Variants in CTNND2 observed in about 807,000 individuals in gnomAD.
CTNND2 encodes catenin delta-2.
In CTNND2, 22 loss-of-function variants were observed where a neutral mutation model predicts 144.4. The observed-to-expected ratio is 0.15, with a 90% CI of 0.11 to 0.22. CTNND2 has a LOEUF of 0.22. CTNND2 is among the 10% of genes least tolerant of loss of function. The probability of loss-of-function intolerance (pLI) is 1.00; values close to 1 mark genes in which losing one functional copy is unlikely to be tolerated. For missense variants in CTNND2, 1,353 were observed against 1,618.8 expected, an observed-to-expected ratio of 0.84 and a Z score of 2.82; for synonymous variants, 751 against 695.6, an observed-to-expected ratio of 1.08 and a Z score of -1.25.
At chr5:11,078,451 A>G (rs1749180327) in intron 16 of CTNND2, among the ~76,000 whole-genome samples, 1 of 152,196 alleles carries the variant, frequency 6.6e-6, no homozygotes, top group Non-Finnish European at 1.5e-5. Flanking sequence ...TTCATTTCCC[A>G]TCTGGTGACA....
chr5:11,542,211 A>T (rs1296750814), intron 3 of CTNND2, among the ~76,000 whole-genome samples: 1 of 152,170 alleles, frequency 6.6e-6, no homozygotes, highest in African/African-American at 2.4e-5. Flanking sequence ...TCCCTGCATC[A>T]TGCTGCAGGG....
chr5:11,178,189 C>T (rs1438485718), intron 11 of CTNND2, among the ~76,000 whole-genome samples: 1 of 152,110 alleles, frequency 6.6e-6, no homozygotes, highest in Non-Finnish European at 1.5e-5. Context: ...CATGATGACT[C>T]ACACATTAAG....
intron 3 of CTNND2, among the ~76,000 whole-genome samples, chr5:11,551,744 A>G (rs973385680): frequency 4.6e-5 from 7 of 151,996 alleles, no homozygotes; most frequent in African/African-American, 1.7e-4. Flanking sequence ...GATTACAGGC[A>G]CCCGCCTCCA....
In CTNND2 at chr5:11,829,034, G is replaced by A. The variant is rs534570059; in HGVS notation, c.37+74783C>T. ...AAGAGACTGGTGGCATTTTGTCCCT[G>A]CCCTAGAGATTTGTGGAACTTCGAA... On this transcript the variant is annotated intron_variant, in intron 1 of 21. Coordinates refer to ENST00000304623, the MANE Select transcript of CTNND2 (RefSeq NM_001332.4). Among the ~76,000 whole-genome samples the A allele has an allele frequency of 5.9e-5, 9 of 152,240 alleles. No homozygotes were observed. The East Asian group carries it at 1.6e-3, about 26-fold the overall frequency.
At chr5:11,200,803 C>G (rs554991140) in intron 10 of CTNND2, among the ~76,000 whole-genome samples, 4 of 152,188 alleles carry the variant, frequency 2.6e-5, no homozygotes, top group Non-Finnish European at 4.4e-5. Flanking sequence ...CTCAGCCTCC[C>G]GAGTAACTGG....
chr5:11,727,305 A>G (rs1251357462), intron 2 of CTNND2, among the ~76,000 whole-genome samples: 2 of 152,086 alleles, frequency 1.3e-5, no homozygotes, highest in African/African-American at 4.8e-5. Flanking sequence ...CATCTGGTCA[A>G]TCTATCTACA....
At chr5:11,416,741 GTCA>G (rs1210272678) in intron 3 of CTNND2, among the ~76,000 whole-genome samples, 1 of 151,984 alleles carries the variant, frequency 6.6e-6, no homozygotes, top group Non-Finnish European at 1.5e-5. Flanking sequence ...TAATAGAAAC[GTCA>G]TTTTTGAAGG....
chr5:11,588,191 G>T (rs1778999551), intron 2 of CTNND2, among the ~76,000 whole-genome samples: 2 of 152,112 alleles, frequency 1.3e-5, no homozygotes, highest in South Asian at 4.1e-4. Flanking sequence ...CAACAAGTTA[G>T]CTGCCCAGTA....
chr5:11,173,098 GTATAC>G, intron 11 of CTNND2, among the ~76,000 whole-genome samples: 1 of 152,370 alleles, frequency 6.6e-6, no homozygotes. Context: ...GTCTGGCACT[GTATAC>G]AGTCAGGACT....
rs181720904 is a variant in CTNND2, at chr5:11,136,774, T to C, written c.2160-19207A>G. On this transcript the variant is annotated intron_variant, in intron 12 of 21. Transcript: ENST00000304623. ...AGCAGCTGCAGGGATTCTTCAAAAA[T>C]ATATATCGAAGCACAAGTCCTCCAG... is the stretch of plus-strand genomic sequence containing the variant. Among the ~76,000 whole-genome samples, 141 of 152,342 alleles carry C rather than the reference T, an allele frequency of 9.3e-4. 1 individual carries two copies. Among genetic ancestry groups the C allele is most frequent in the African/African-American group, 3.2e-3 (135 of 41,570 alleles).
At chr5:11,786,484 A>AG (rs1790837231) in intron 1 of CTNND2, among the ~76,000 whole-genome samples, 1 of 152,334 alleles carries the variant, frequency 6.6e-6, no homozygotes, top group African/African-American at 2.4e-5. Context: ...GATTTTCTAC[A>AG]GAGATGTTCT....
intron 1 of CTNND2, among the ~76,000 whole-genome samples, chr5:11,828,877 G>A (rs983553936): frequency 6.6e-6 from 1 of 152,152 alleles, no homozygotes; most frequent in Non-Finnish European, 1.5e-5. Flanking sequence ...GAACTTCCTA[G>A]AGACTTGTTG....
chr5:11,179,137 G>C (rs2149796459), intron 11 of CTNND2, among the ~76,000 whole-genome samples: 1 of 152,052 alleles, frequency 6.6e-6, no homozygotes, highest in East Asian at 1.9e-4. Flanking sequence ...AGATACAGCA[G>C]AGCAATTAGT....
intron 3 of CTNND2, among the ~76,000 whole-genome samples, chr5:11,492,559 T>C (rs1439785965): frequency 1.3e-5 from 2 of 151,522 alleles, no homozygotes; most frequent in African/African-American, 2.4e-5. Flanking sequence ...CTGGACTTTC[T>C]TTCTCCTATC....
intron 1 of CTNND2, among the ~76,000 whole-genome samples, chr5:11,780,820 C>A (rs945288849): frequency 2.0e-5 from 3 of 152,152 alleles, no homozygotes; most frequent in African/African-American, 7.2e-5. Context: ...GCACCAAGGC[C>A]AGCCAGCCCT....
At position 11,377,411 on chromosome 5, in the gene CTNND2, T is replaced by A. The variant is rs561215185; in HGVS notation, c.1177+7254A>T. Among the ~76,000 whole-genome samples the A allele has an allele frequency of 3.9e-5, 6 of 152,210 alleles. No homozygotes were observed. The East Asian group carries it at 9.6e-4, about 24-fold the overall frequency. On this transcript the variant is annotated intron_variant, in intron 7 of 21. Transcript: ENST00000304623. ...CCTATTGTATTCCTGTACTTTTATT[T>A]TTTGAGGTGTCCGGGAAATAGGGGA...
chr5:11,723,410 G>C (rs1048617866), intron 2 of CTNND2, among the ~76,000 whole-genome samples: 5 of 152,136 alleles, frequency 3.3e-5, no homozygotes, highest in African/African-American at 1.2e-4. Context: ...GGATTCATCA[G>C]TCAATGGGCA....
At position 11,483,860 on chromosome 5, in the gene CTNND2, G is replaced by C. The variant is rs187216786; in HGVS notation, c.288-71791C>G. Among the ~76,000 whole-genome samples the C allele has an allele frequency of 3.3e-5, 5 of 152,350 alleles. No individual in the cohort carries two copies. The East Asian group carries it at 9.6e-4, about 29-fold the overall frequency. On this transcript the variant is annotated intron_variant, in intron 3 of 21. Transcript: ENST00000304623. ...AAGCAGGAAACAGACTCAGAAGAAA[G>C]AAATGTACCAGAATAATCCTTTTAC...
At chr5:11,236,581 T>C in intron 10 of CTNND2, 110 bp downstream of exon 10, 1 of 1,222,380 alleles carries the variant, frequency 8.2e-7, no homozygotes, top group Admixed American at 2.2e-5. Context: ...TAGATCTAAA[T>C]TTTAAAAGCA....
Sources: allele counts gnomAD v4.1 joint callset (sites outside exome capture counted in the v4.1 genomes callset), GRCh38; gene constraint gnomAD v4.1.1; transcripts MANE v1.5; gene names NCBI Gene and HGNC (gene_info 2026-07-23, HGNC 2026-07-21).